CCDC171: variants seen among roughly 807,000 people sequenced by gnomAD.
CCDC171 encodes the protein coiled-coil domain containing 171, also known as coiled-coil domain-containing protein 171.
In CCDC171, 177 loss-of-function variants were observed where a neutral mutation model predicts 168.2. The ratio of observed to expected loss-of-function variants is 1.05; its 90% confidence interval spans 0.93 to 1.19. CCDC171 has a LOEUF of 1.19. CCDC171 is among the 50% of genes most tolerant of loss of function. The probability of loss-of-function intolerance (pLI) is 0.00; values close to 1 mark genes in which losing one functional copy is unlikely to be tolerated. For missense variants in CCDC171, 1,991 were observed against 1,539.0 expected (o/e 1.29, Z -4.91); for synonymous variants, 687 against 540.8 (o/e 1.27, Z -3.75).
chr9:15,727,287 A>G (rs755983106), intron 14 of CCDC171, among the ~76,000 whole-genome samples: 1 of 152,142 alleles, frequency 6.6e-6, no homozygotes, highest in Non-Finnish European at 1.5e-5. Context: ...TGCTTTGCCT[A>G]AGGGGCTTGG....
At chr9:16,024,579 C>G (rs1833238294) in intron 6 of CCDC171, among the ~76,000 whole-genome samples, 1 of 152,208 alleles carries the variant, frequency 6.6e-6, no homozygotes, top group Non-Finnish European at 1.5e-5. Flanking sequence ...AACGCAGGTT[C>G]AGAAGAGGAA....
At chr9:15,564,549 T>C (rs1295076246) in intron 2 of CCDC171, among the ~76,000 whole-genome samples, 2 of 152,282 alleles carry the variant, frequency 1.3e-5, no homozygotes, top group African/African-American at 4.8e-5. Flanking sequence ...TTAGCTCCTG[T>C]TGCTGTTTCG....
At chr9:15,990,063 A>C (rs1319665436) in intron 3 of CCDC171, among the ~76,000 whole-genome samples, 1 of 152,176 alleles carries the variant, frequency 6.6e-6, no homozygotes, top group Non-Finnish European at 1.5e-5. Flanking sequence ...ATTCAAATTC[A>C]GGAAATACAG....
intron 7 of CCDC171, 57 bp from the exon 8 acceptor site, chr9:15,657,070 T>A: frequency 2.1e-6 from 2 of 958,024 alleles, no homozygotes; most frequent in Non-Finnish European, 1.6e-6. Context: ...ACTGTAGTGA[T>A]CCATATCTTC....
chr9:15,583,502 G>C (rs778435456), intron 4 of CCDC171, among the ~76,000 whole-genome samples: 9 of 152,044 alleles, frequency 5.9e-5, no homozygotes, highest in Non-Finnish European at 8.8e-5. Flanking sequence ...GCAGCAATCT[G>C]GATGGAGCTG....
intron 11 of CCDC171, among the ~76,000 whole-genome samples, chr9:15,716,173 A>T (rs1458982030): frequency 1.3e-5 from 2 of 152,168 alleles, no homozygotes; most frequent in African/African-American, 4.8e-5. Flanking sequence ...ACCTTATATT[A>T]AGCACAAGTA....
intron 7 of CCDC171, among the ~76,000 whole-genome samples, chr9:15,628,418 G>A (rs777376770): frequency 6.6e-6 from 1 of 152,112 alleles, no homozygotes; most frequent in South Asian, 2.1e-4. Flanking sequence ...ATGGAGTCTC[G>A]CTTATTGCTA....
At chr9:15,919,617 A>G (rs1825029958) in intron 24 of CCDC171, among the ~76,000 whole-genome samples, 3 of 151,650 alleles carry the variant, frequency 2.0e-5, no homozygotes, top group African/African-American at 7.2e-5. Context: ...ATTCTATAAA[A>G]TATGATTAAA....
At chr9:15,862,528 T>C (rs764131361) in intron 23 of CCDC171, among the ~76,000 whole-genome samples, 5 of 152,074 alleles carry the variant, frequency 3.3e-5, no homozygotes, top group Non-Finnish European at 7.4e-5. Flanking sequence ...TCCATTTCAT[T>C]AGTATTGGTT....
intron 18 of CCDC171, among the ~76,000 whole-genome samples, chr9:15,767,527 GTT>G (rs2056786512): frequency 6.6e-6 from 1 of 151,872 alleles, no homozygotes; most frequent in African/African-American, 2.4e-5. Flanking sequence ...ATTCTCTCTC[GTT>G]GTGTAACATA....
chr9:15,573,940 T>C (rs2040433820), intron 3 of CCDC171, among the ~76,000 whole-genome samples: 1 of 152,062 alleles, frequency 6.6e-6, no homozygotes, highest in Non-Finnish European at 1.5e-5. Context: ...ATAATATGTT[T>C]ATAGTTGTCA....
chr9:15,900,158 G>A (rs151103286), intron 24 of CCDC171, among the ~76,000 whole-genome samples: 1,971 of 152,222 alleles, frequency 0.013, 49 homozygotes, highest in African/African-American at 0.045. Flanking sequence ...AAATGTAATG[G>A]ATACCACTCC....
chr9:15,881,011 G>A, intron 24 of CCDC171, among the ~76,000 whole-genome samples: 1 of 152,142 alleles, frequency 6.6e-6, no homozygotes, highest in East Asian at 1.9e-4. Flanking sequence ...GACAGGTATA[G>A]ACTCTAGTTC....
the CCDC171 span, among the ~76,000 whole-genome samples, chr9:16,074,925 A>T: frequency 6.6e-6 from 1 of 152,218 alleles, no homozygotes; most frequent in Admixed American, 6.5e-5. Context: ...CTCTAAGTAC[A>T]AAAGTGACTA....
intron 8 of CCDC171, among the ~76,000 whole-genome samples, chr9:15,661,140 C>G (rs765162585): frequency 6.6e-6 from 1 of 152,028 alleles, no homozygotes; most frequent in African/African-American, 2.4e-5. Context: ...ATTAGCCGGG[C>G]GTCGTGGCGG....
intron 21 of CCDC171, among the ~76,000 whole-genome samples, chr9:15,806,509 A>G (rs2059085077): frequency 6.6e-6 from 1 of 152,174 alleles, no homozygotes; most frequent in African/African-American, 2.4e-5. Context: ...GTTTGGCTGG[A>G]TATGAAATCC....
intron 25 of CCDC171, among the ~76,000 whole-genome samples, chr9:15,939,832 C>T (rs1341777224): frequency 4.0e-5 from 6 of 151,718 alleles, no homozygotes; most frequent in East Asian, 3.9e-4. Context: ...TGAGACACCC[C>T]GGAACAAATG....
At chr9:15,709,361 A>T (rs924393819) in intron 11 of CCDC171, among the ~76,000 whole-genome samples, 12 of 152,178 alleles carry the variant, frequency 7.9e-5, no homozygotes, top group Admixed American at 3.3e-4. Flanking sequence ...AACATTTTAG[A>T]TTGGTGATTT....
At chr9:15,591,800 C>G (rs970331714) in intron 5 of CCDC171, among the ~76,000 whole-genome samples, 1 of 152,036 alleles carries the variant, frequency 6.6e-6, no homozygotes, top group African/African-American at 2.4e-5. Context: ...CAACAAAGCA[C>G]TTATATGGGC....
Sources: gnomAD v4.1 joint callset for allele counts (sites outside exome capture counted in the v4.1 genomes callset) on GRCh38, gnomAD v4.1.1 for gene constraint, MANE v1.5 for transcripts, NCBI Gene and HGNC (gene_info 2026-07-23, HGNC 2026-07-21) for gene names.